The following DMBX1 variants were observed in gnomAD, a reference collection of about 807,000 sequenced individuals.
DMBX1 encodes the protein diencephalon/mesencephalon homeobox protein 1.
A neutral mutation model predicts 30.4 loss-of-function variants in DMBX1; 7 were observed. The ratio of observed to expected loss-of-function variants is 0.23; its 90% confidence interval spans 0.13 to 0.43. The LOEUF (loss-of-function observed/expected upper bound fraction) is 0.43. Ranked by LOEUF, DMBX1 falls within the 20% of genes least tolerant of loss-of-function variation. The probability of loss-of-function intolerance (pLI) is 1.00; values close to 1 mark genes in which losing one functional copy is unlikely to be tolerated. For missense variants in DMBX1, 460 were observed against 508.5 expected (o/e 0.90, Z 0.92); for synonymous variants, 222 against 214.2 (o/e 1.04, Z -0.32).
chr1:46,499,328 G>A (rs770023869), intron 2 of DMBX1, among the ~76,000 whole-genome samples: 5 of 152,182 alleles, frequency 3.3e-5, no homozygotes, highest in African/African-American at 4.8e-5. Flanking sequence ...TAAGCCCCGC[G>A]CCCAGCAGAA....
At chr1:46,492,077 G>A (rs559518821) in intron 2 of DMBX1, among the ~76,000 whole-genome samples, 3 of 152,302 alleles carry the variant, frequency 2.0e-5, no homozygotes, top group Admixed American at 6.5e-5. Flanking sequence ...GCAAGGAGGC[G>A]GGAATCTGTC....
In DMBX1 at chr1:46,516,124, C is replaced by CT. The variant is rs1666487410; in HGVS notation, c.*3631dup. On this transcript the variant is annotated 3_prime_UTR_variant, in exon 6 of 6. Transcript: ENST00000360032. ...CCCCTGTGTAGTGCTGCATGACACT[C>CT]TGTGTATCTGTCCTTCTGTCAGTCT... 6.6e-6 allele frequency among the ~76,000 whole-genome samples: 1 copy of CT among 152,238 alleles called. No homozygotes were observed. Among genetic ancestry groups the CT allele is most frequent in the Admixed American group, 6.5e-5 (1 of 15,286 alleles).
Position 46,494,171 on chromosome 1 carries a change from G to T in DMBX1, c.-13+3388G>T, listed in dbSNP as rs140298642. Among the ~76,000 whole-genome samples, 89 of 152,340 alleles carry T rather than the reference G, an allele frequency of 5.8e-4. 1 individual carries two copies. The highest frequency in any genetic ancestry group is 1.9e-3 in the African/African-American group (78 of 41,586). On this transcript the variant is annotated intron_variant, in intron 2 of 5. Coordinates refer to ENST00000360032, the MANE Select transcript of DMBX1 (RefSeq NM_172225.2). ...CCAGACAATTCTACTCTCAAGACTT[G>T]CAGTCAGGTCCCTTGGCCTACCCCG...
Position 46,511,214 on chromosome 1 carries a change from C to A in DMBX1, c.613C>A (p.Pro205Thr). The A allele has an allele frequency of 6.2e-7, 1 of 1,613,018 alleles. No homozygotes were observed. Among genetic ancestry groups the A allele is most frequent in the East Asian group, 2.2e-5 (1 of 44,854 alleles). The change falls in exon 5 of 6, where the codon CCC (proline) becomes ACC (threonine). Residue 205 changes from proline (P) to threonine (T), a missense_variant. Pro to Thr is a conservative substitution (Grantham distance 38). This residue lies in a region of DMBX1 where 334 missense variants were observed against 345.1 expected (regional missense o/e 0.97). Coordinates refer to ENST00000360032, the MANE Select transcript of DMBX1 (RefSeq NM_172225.2). ...EEDPRAGAEDPKAEKSPGADS... is the reference protein window; with the variant it reads ...EEDPRAGAEDTKAEKSPGADS... ...GGACCCCAGGGCAGGGGCTGAGGACCCCAAAGCTGAGAAGAGCCCTGGGGC... is the reference window on the plus strand; with the variant it reads ...GGACCCCAGGGCAGGGGCTGAGGACACCAAAGCTGAGAAGAGCCCTGGGGC...
intron 3 of DMBX1, among the ~76,000 whole-genome samples, chr1:46,509,523 C>T (rs1241723203): frequency 1.3e-5 from 2 of 152,152 alleles, no homozygotes; most frequent in East Asian, 1.9e-4. Context: ...GTGAGGAGAG[C>T]GGTTACTGTC....
Position 46,511,166 on chromosome 1 carries a change from G to A in DMBX1, c.565G>A (p.Glu189Lys), listed in dbSNP as rs1046440863. ...GCAGTCAGCCAGTGAGTCAGCCCCC[G>A]AGGATCAGCCGGACCGTGAGGAGGA... ...SEQSASESAP[E>K]DQPDREEDPR... is the part of the protein sequence containing the mutation. The change falls in exon 5 of 6, where the codon GAG (glutamate) becomes AAG (lysine). Residue 189 changes from glutamate to lysine, a missense_variant. Physicochemically the swap from Glu to Lys is moderately conservative, Grantham distance 56. Coordinates refer to ENST00000360032, the MANE Select transcript of DMBX1 (RefSeq NM_172225.2). 1.9e-6 allele frequency: 3 copies of A among 1,613,712 alleles called. No individual in the cohort carries two copies. Among genetic ancestry groups the A allele is most frequent in the African/African-American group, 2.7e-5 (2 of 74,916 alleles).
In DMBX1 at chr1:46,512,635, A is replaced by G; in HGVS notation, c.*141A>G. The G allele has an allele frequency of 5.3e-6, 5 of 935,322 alleles. No individual in the cohort carries two copies. Among genetic ancestry groups the G allele is most frequent in the Non-Finnish European group, 7.8e-6 (5 of 642,580 alleles). The allele number at this position is 935,322 out of a possible 1,614,324, so 57.9% of individuals were successfully genotyped here. A position where few individuals can be genotyped will look rare whatever the true frequency, so the allele number is the denominator to read the frequency against. On this transcript the variant is annotated 3_prime_UTR_variant, in exon 6 of 6. Coordinates refer to ENST00000360032, the MANE Select transcript of DMBX1 (RefSeq NM_172225.2). This position sits in a 1 kb window ranked among gnomAD's most constrained non-coding sequence, Gnocchi z 4.8. ...GTCCTGTTCCCTGCTCCGCTTCCCC[A>G]TACCCCAGCCCGAGGTGAAGCCCAC...
rs6429601 is a variant in DMBX1, at chr1:46,515,864, A to C, written c.*3370A>C. Among the ~76,000 whole-genome samples, 117,904 of 152,120 alleles carry C rather than the reference A, an allele frequency of 0.78. 46,116 individuals carry two copies. The highest frequency in any genetic ancestry group is 0.83 in the Non-Finnish European group (56,113 of 67,976). ...ATGCCTGGCCTCTCCCTGCTGTCTGAGTCTCCATTTCTCTGTTTCCTCACT... is the reference window on the plus strand; with the variant it reads ...ATGCCTGGCCTCTCCCTGCTGTCTGCGTCTCCATTTCTCTGTTTCCTCACT... On this transcript the variant is annotated 3_prime_UTR_variant, in exon 6 of 6. Coordinates refer to ENST00000360032, the MANE Select transcript of DMBX1 (RefSeq NM_172225.2).
At chr1:46,494,849 C>T (rs1345460934) in intron 2 of DMBX1, among the ~76,000 whole-genome samples, 1 of 152,198 alleles carries the variant, frequency 6.6e-6, no homozygotes, top group Non-Finnish European at 1.5e-5. Flanking sequence ...CCCCCCACAG[C>T]TCATCCCCTT....
rs1054564665 is a variant in DMBX1, at chr1:46,493,934, A to G, written c.-13+3151A>G. 3.9e-5 allele frequency among the ~76,000 whole-genome samples: 6 copies of G among 152,182 alleles called. No homozygotes were observed. The highest frequency in any genetic ancestry group is 5.9e-5 in the Non-Finnish European group (4 of 68,024). ...TTTCCCAGCCCCGGCCTGGATCTGG[A>G]TGGCCAAAAGTGGACCAGGTCATCC... On this transcript the variant is annotated intron_variant, in intron 2 of 5. Coordinates refer to ENST00000360032, the MANE Select transcript of DMBX1 (RefSeq NM_172225.2). The surrounding 1 kb of genome is among the most constrained non-coding windows in gnomAD (Gnocchi z 4.1).
In DMBX1 at chr1:46,496,705, G is replaced by A. The variant is rs748657446; in HGVS notation, c.-13+5922G>A. Among the ~76,000 whole-genome samples the A allele has an allele frequency of 9.8e-4, 149 of 152,130 alleles. 1 individual carries two copies. The highest frequency in any genetic ancestry group is 5.2e-4 in the Admixed American group (8 of 15,294). ...CCCTCCTTTTCGGCCTCCTTCACAC[G>A]TGGCTGGCCAGCCCTGGGTTACACA... On this transcript the variant is annotated intron_variant, in intron 2 of 5. Coordinates refer to ENST00000360032, the MANE Select transcript of DMBX1 (RefSeq NM_172225.2).
rs998146691 is a variant in DMBX1 at position 46,493,460 on chromosome 1, C to G, written c.-13+2677C>G. Among the ~76,000 whole-genome samples, 7 of 152,236 alleles carry G rather than the reference C, an allele frequency of 4.6e-5. No homozygotes were observed. Among genetic ancestry groups the G allele is most frequent in the African/African-American group, 1.7e-4 (7 of 41,460 alleles). ...TCTTCCAAGCTTATTTGACTCTGCC[C>G]CAGTGTTGCCTGATGGGTGGACATC... On this transcript the variant is annotated intron_variant, in intron 2 of 5. Coordinates refer to ENST00000360032, the MANE Select transcript of DMBX1 (RefSeq NM_172225.2). The surrounding 1 kb of genome is among the most constrained non-coding windows in gnomAD (Gnocchi z 4.1).
chr1:46,512,211 G>A lies in DMBX1; in HGVS notation c.851G>A (p.Gly284Glu), dbSNP rs552240319. 5.6e-6 allele frequency: 9 copies of A among 1,614,050 alleles called. No homozygotes were observed. The East Asian group carries it at 1.8e-4, about 32-fold the overall frequency. ...GTGCACTACTCGTCCTTCGAAGTAG[G>A]GGGTCCGGCCCCTGCTGCTGCAGCG... ...NLVHYSSFEV[G>E]GPAPAAAAAA... The change falls in exon 6 of 6, where the codon GGG becomes GAG. Residue 284 changes from glycine (G) to glutamate (E), a missense_variant. Around this residue, in one of 3 missense-constraint regions of DMBX1, gnomAD observed 334 missense variants for 345.1 expected, o/e 0.97. Coordinates refer to ENST00000360032, the MANE Select transcript of DMBX1 (RefSeq NM_172225.2). The surrounding 1 kb of genome is among the most constrained non-coding windows in gnomAD (Gnocchi z 4.8).
In DMBX1 at chr1:46,514,589, G is replaced by A. The variant is rs1020519886; in HGVS notation, c.*2095G>A. On this transcript the variant is annotated 3_prime_UTR_variant, in exon 6 of 6. Transcript: ENST00000360032. Reference sequence around the variant, plus strand: ...TCACTCCATTTTCATACCTTTTCATGATCTCAGGGGCTCTGGGCAGTGGGA... The same window carrying A: ...TCACTCCATTTTCATACCTTTTCATAATCTCAGGGGCTCTGGGCAGTGGGA... Among the ~76,000 whole-genome samples, 1 of 152,070 alleles carries A rather than the reference G, an allele frequency of 6.6e-6. No homozygotes were observed. The highest frequency in any genetic ancestry group is 1.5e-5 in the Non-Finnish European group (1 of 68,022).
At chr1:46,494,377 C>T (rs1366854680) in intron 2 of DMBX1, among the ~76,000 whole-genome samples, 1 of 152,260 alleles carries the variant, frequency 6.6e-6, no homozygotes, top group Non-Finnish European at 1.5e-5. Context: ...CCTCGGAAAA[C>T]TGGAGGACTG....
intron 1 of DMBX1, among the ~76,000 whole-genome samples, chr1:46,490,097 T>G (rs1331566358): frequency 1.3e-5 from 2 of 151,470 alleles, no homozygotes; most frequent in Non-Finnish European, 2.9e-5. Flanking sequence ...AAAGACCGAG[T>G]CGGGGACAGA....
At chr1:46,508,498 G>C (rs557720226) in intron 3 of DMBX1, among the ~76,000 whole-genome samples, 6 of 152,304 alleles carry the variant, frequency 3.9e-5, no homozygotes, top group African/African-American at 1.4e-4. Flanking sequence ...AAGGTTCTCT[G>C]GACCAGTGTG....
At chr1:46,492,981 C>T (rs1024744975) in intron 2 of DMBX1, among the ~76,000 whole-genome samples, 27 of 151,924 alleles carry the variant, frequency 1.8e-4, no homozygotes, top group South Asian at 4.2e-4. Flanking sequence ...TTGGCCTCTG[C>T]GCTCCCTATT....
chr1:46,500,531 A>G (rs894656329), intron 2 of DMBX1, among the ~76,000 whole-genome samples: 9 of 151,112 alleles, frequency 6.0e-5, no homozygotes, highest in Non-Finnish European at 1.3e-4. Flanking sequence ...AGACGTGGAT[A>G]CCTCCCCCCA....
Sources: gnomAD v4.1 joint callset for allele counts (sites outside exome capture counted in the v4.1 genomes callset) on GRCh38, gnomAD v4.1.1 for gene constraint, gnomAD v4.1.1 regional missense constraint, Gnocchi (gnomAD v3.1) non-coding constraint, MANE v1.5 for transcripts, NCBI Gene and HGNC (gene_info 2026-07-23, HGNC 2026-07-21) for gene names.